The following TFEC variants were observed in gnomAD, a reference collection of about 807,000 sequenced individuals.
TFEC encodes the protein transcription factor EC.
TFEC carries 31 observed loss-of-function variants against 41.6 expected under a neutral mutation model. The observed-to-expected ratio is 0.74, with a 90% CI of 0.56 to 1.01. The LOEUF is 1.01. Among genes scored for constraint, TFEC ranks in the 50% least tolerant of loss-of-function variants. TFEC has a pLI of 0.00. For missense variants in TFEC, 402 were observed against 404.1 expected, an observed-to-expected ratio of 0.99 and a Z score of 0.04; for synonymous variants, 143 against 140.6, an observed-to-expected ratio of 1.02 and a Z score of -0.12.
intron 2 of TFEC, among the ~76,000 whole-genome samples, chr7:115,977,101 C>T (rs1584624643): frequency 6.6e-6 from 1 of 152,070 alleles, no homozygotes; most frequent in African/African-American, 2.4e-5. Flanking sequence ...CAGCCTAAAA[C>T]CTTCACAACT....
At chr7:115,954,115 T>A (rs1792091017) in intron 5 of TFEC, among the ~76,000 whole-genome samples, 1 of 152,000 alleles carries the variant, frequency 6.6e-6, no homozygotes, top group Non-Finnish European at 1.5e-5. Flanking sequence ...GCATGAGGGC[T>A]CTATTTGTTC....
At chr7:115,946,377 T>C (rs1345447115) in intron 6 of TFEC, among the ~76,000 whole-genome samples, 1 of 146,584 alleles carries the variant, frequency 6.8e-6, no homozygotes, top group African/African-American at 2.5e-5. Context: ...AAAAGTGCTT[T>C]AAAATCTCAG....
At chr7:116,145,173 T>A (rs577803908) in intron 1 of TFEC, among the ~76,000 whole-genome samples, 1 of 152,226 alleles carries the variant, frequency 6.6e-6, no homozygotes, top group Non-Finnish European at 1.5e-5. Flanking sequence ...TCAAACAGCT[T>A]GAGACTGGTT....
In TFEC at chr7:115,940,706, CA is replaced by C; in HGVS notation, c.888del (p.Ala297HisfsTer2). The C allele has an allele frequency of 6.2e-7, 1 of 1,613,562 alleles. No homozygotes were observed. The highest frequency in any genetic ancestry group is 8.5e-7 in the Non-Finnish European group (1 of 1,179,642). ...TCCAATCTTTGTTCCTCTTTCAATG[CA>C]GCACTAAATGATAAATCTGTGAAGT... ...LSYFTDLSFS[A>X]ALKEEQRLDG... On this transcript the variant is annotated frameshift_variant, in exon 8 of 8. Transcript: ENST00000265440. LOFTEE classifies it high-confidence loss of function.
chr7:116,085,223 A>T (rs563978224), intron 3 of TFEC, among the ~76,000 whole-genome samples: 64 of 152,012 alleles, frequency 4.2e-4, no homozygotes, highest in Middle Eastern at 6.8e-3. Context: ...GATTAGAAAG[A>T]TAGATAGAAA....
rs1440918415 is a variant in TFEC, at chr7:115,935,306, A to T, written c.*5245T>A. 1 of 152,160 alleles carries T rather than the reference A, an allele frequency of 6.6e-6. No homozygotes were observed. Among genetic ancestry groups the T allele is most frequent in the African/African-American group, 2.4e-5 (1 of 41,416 alleles). The allele number at this position is 152,160 out of a possible 1,614,324, so 9.4% of individuals were successfully genotyped here. A position where few individuals can be genotyped will look rare whatever the true frequency, so the allele number is the denominator to read the frequency against. On this transcript the variant is annotated 3_prime_UTR_variant, in exon 8 of 8. Coordinates refer to ENST00000265440, the MANE Select transcript of TFEC (RefSeq NM_012252.4). ...ATTACTTTGTTATTAAAAATGAAAA[A>T]TAGCAATAATTACAAATTCTACAGT...
upstream of TFEC, among the ~76,000 whole-genome samples, chr7:116,035,448 A>T (rs1795888044): frequency 6.6e-6 from 1 of 152,214 alleles, no homozygotes; most frequent in South Asian, 2.1e-4. Context: ...TTTCTTTTAT[A>T]AGCATTAATG....
In TFEC at chr7:116,123,822, T is replaced by G. The variant is rs191134499; in HGVS notation, c.-68-11784A>C. Among the ~76,000 whole-genome samples the G allele has an allele frequency of 3.3e-4, 51 of 152,320 alleles. 2 individuals carry two copies. In the East Asian group the frequency reaches 8.5e-3, roughly 25 times the overall value. On this transcript the variant is annotated intron_variant, in intron 1 of 8. Transcript: ENST00000484212. ...TGGTTATTAACACCAAGTTTATGATTTAATTATTGTCTAATTGTTTTATAA... is the reference window on the plus strand; with the variant it reads ...TGGTTATTAACACCAAGTTTATGATGTAATTATTGTCTAATTGTTTTATAA...
intron 1 of TFEC, among the ~76,000 whole-genome samples, chr7:116,112,627 A>G (rs1797881311): frequency 6.6e-6 from 1 of 152,014 alleles, no homozygotes; most frequent in South Asian, 2.1e-4. Flanking sequence ...TTCTAGAAAG[A>G]GACTAATGTT....
At chr7:116,119,909 G>A (rs1403549023) in intron 1 of TFEC, among the ~76,000 whole-genome samples, 3 of 150,910 alleles carry the variant, frequency 2.0e-5, no homozygotes, top group Non-Finnish European at 4.4e-5. Flanking sequence ...TCCATATAAA[G>A]TCATGGTTCA....
chr7:115,995,334 T>TA (rs1302191261), intron 1 of TFEC, among the ~76,000 whole-genome samples: 3 of 151,836 alleles, frequency 2.0e-5, no homozygotes, highest in African/African-American at 7.3e-5. Context: ...CCCTAGAACT[T>TA]AAAGTATATT....
At chr7:116,081,735 T>C (rs1014086717) in intron 3 of TFEC, among the ~76,000 whole-genome samples, 1 of 152,094 alleles carries the variant, frequency 6.6e-6, no homozygotes, top group African/African-American at 2.4e-5. Flanking sequence ...CCACACAATG[T>C]ATTAGCCCAA....
chr7:115,991,094 G>C (rs1415883345), intron 1 of TFEC, among the ~76,000 whole-genome samples: 2 of 152,126 alleles, frequency 1.3e-5, no homozygotes, highest in African/African-American at 4.8e-5. Flanking sequence ...ATAAAGAAAA[G>C]AATTTTCAAC....
intron 2 of TFEC, among the ~76,000 whole-genome samples, chr7:115,981,564 G>T (rs562465807): frequency 4.8e-4 from 73 of 152,090 alleles, no homozygotes; most frequent in Non-Finnish European, 8.2e-4. Flanking sequence ...TGTGAATAAG[G>T]TATTGTATTT....
chr7:116,086,446 G>C (rs1258339828), intron 3 of TFEC, among the ~76,000 whole-genome samples: 1 of 151,938 alleles, frequency 6.6e-6, no homozygotes, highest in East Asian at 1.9e-4. Context: ...TTTAATGTTT[G>C]ATGCATACAT....
chr7:116,030,555 A>G, intron 1 of TFEC, 78 bp downstream of exon 1: 1 of 888,814 alleles, frequency 1.1e-6, no homozygotes, highest in African/African-American at 1.8e-5. Context: ...ACATATCAAA[A>G]TAAAACAAGT....
At chr7:116,139,499 A>G (rs1276409894) in intron 1 of TFEC, among the ~76,000 whole-genome samples, 1 of 152,202 alleles carries the variant, frequency 6.6e-6, no homozygotes, top group Non-Finnish European at 1.5e-5. Context: ...TCACACTAGA[A>G]TTTTATTGTT....
chr7:116,098,159 C>CT lies in TFEC; in HGVS notation c.198+12548dup, dbSNP rs199939079. Among the ~76,000 whole-genome samples, 19 of 151,564 alleles carry CT rather than the reference C, an allele frequency of 1.3e-4. No homozygotes were observed. In the South Asian group the frequency reaches 3.3e-3, roughly 27 times the overall value. On this transcript the variant is annotated intron_variant, in intron 3 of 8. Coordinates refer to the TFEC transcript ENST00000484212. ...AAAAGATATACTATGCAAACATTAA[C>CT]TTTTTTTTTCTTTTTTTTGAGACGG... is the stretch of plus-strand genomic sequence containing the variant.
intron 1 of TFEC, among the ~76,000 whole-genome samples, chr7:116,010,705 A>G (rs1303354473): frequency 6.6e-6 from 1 of 152,178 alleles, no homozygotes; most frequent in African/African-American, 2.4e-5. Context: ...ATGGATTCCT[A>G]ACTTCTAATT....
Sources: gnomAD v4.1 joint callset for allele counts (sites outside exome capture counted in the v4.1 genomes callset) on GRCh38, gnomAD v4.1.1 for gene constraint, MANE v1.5 for transcripts, NCBI Gene and HGNC (gene_info 2026-07-23, HGNC 2026-07-21) for gene names.